Variants in ROBO2 observed in about 807,000 individuals in gnomAD.
ROBO2 encodes roundabout homolog 2.
In ROBO2, 53 loss-of-function variants were observed where a neutral mutation model predicts 160.8. That is an observed-to-expected ratio of 0.33 (90% confidence interval 0.26 to 0.41). ROBO2 has a LOEUF of 0.41. Among genes scored for constraint, ROBO2 ranks in the 10% least tolerant of loss-of-function variants. ROBO2 has a pLI of 1.00. For missense variants in ROBO2, 1,577 were observed against 1,722.4 expected, an observed-to-expected ratio of 0.92 and a Z score of 1.49; for synonymous variants, 664 against 611.7, an observed-to-expected ratio of 1.09 and a Z score of -1.26.
At chr3:76,391,230 CTTCAA>C (rs1559868574) in intron 2 of ROBO2, among the ~76,000 whole-genome samples, 1 of 152,096 alleles carries the variant, frequency 6.6e-6, no homozygotes, top group Non-Finnish European at 1.5e-5. Flanking sequence ...TGGCCATAGA[CTTCAA>C]TTCACAAAAA....
intron 17 of ROBO2, among the ~76,000 whole-genome samples, chr3:77,594,884 A>G (rs1038683953): frequency 2.0e-5 from 3 of 152,208 alleles, no homozygotes; most frequent in Admixed American, 2.0e-4. Flanking sequence ...TGACATTTAA[A>G]TACAAATTAG....
At chr3:77,427,046 A>G (rs1467612471) in intron 2 of ROBO2, among the ~76,000 whole-genome samples, 1 of 152,190 alleles carries the variant, frequency 6.6e-6, no homozygotes, top group African/African-American at 2.4e-5. Context: ...AGCCTCTAAA[A>G]GTGACATTTC....
At position 76,267,699 on chromosome 3, in the gene ROBO2, T is replaced by A. The variant is rs181651039; in HGVS notation, c.109+330097T>A. 3.5e-3 allele frequency among the ~76,000 whole-genome samples: 528 copies of A among 152,286 alleles called. 3 individuals carry two copies. Among genetic ancestry groups the A allele is most frequent in the African/African-American group, 0.012 (509 of 41,570 alleles). On this transcript the variant is annotated intron_variant, in intron 2 of 26. Transcript: ENST00000487694. ...AAATTCTATTAGACTAGTATTTTTG[T>A]TTGCTTATATATGATAAATATGGGA...
intron 2 of ROBO2, among the ~76,000 whole-genome samples, chr3:76,540,485 T>A (rs1578011267): frequency 6.6e-6 from 1 of 152,204 alleles, no homozygotes; most frequent in Admixed American, 6.5e-5. Flanking sequence ...ACTGCTTCCA[T>A]TGCAGAAATA....
At chr3:76,032,612 T>A (rs1412458498) in intron 2 of ROBO2, among the ~76,000 whole-genome samples, 1 of 152,250 alleles carries the variant, frequency 6.6e-6, no homozygotes, top group Admixed American at 6.5e-5. Flanking sequence ...ATTTTGTTAT[T>A]TTTCCAGTAG....
chr3:77,237,865 T>A (rs978106580), intron 2 of ROBO2, among the ~76,000 whole-genome samples: 1 of 152,212 alleles, frequency 6.6e-6, no homozygotes, highest in Non-Finnish European at 1.5e-5. Flanking sequence ...CAACAGTGAA[T>A]GACAGTTCCT....
chr3:77,562,238 C>T (rs1324411966), intron 9 of ROBO2, among the ~76,000 whole-genome samples: 1 of 152,090 alleles, frequency 6.6e-6, no homozygotes, highest in Non-Finnish European at 1.5e-5. Context: ...TTATTTGAGA[C>T]AGAACAGTTT....
intron 2 of ROBO2, among the ~76,000 whole-genome samples, chr3:76,968,141 A>G (rs895634691): frequency 1.3e-5 from 2 of 152,218 alleles, no homozygotes; most frequent in Non-Finnish European, 2.9e-5. Flanking sequence ...CCAAATATCA[A>G]TTATAAAATG....
At chr3:76,156,538 C>T (rs947361927) in intron 2 of ROBO2, among the ~76,000 whole-genome samples, 1 of 152,166 alleles carries the variant, frequency 6.6e-6, no homozygotes, top group African/African-American at 2.4e-5. Flanking sequence ...GAAGCCTTCT[C>T]TGTGTTAAGT....
At chr3:77,494,963 C>G (rs1206825522) in intron 5 of ROBO2, among the ~76,000 whole-genome samples, 29 of 152,156 alleles carry the variant, frequency 1.9e-4, no homozygotes, top group Non-Finnish European at 1.5e-5. Flanking sequence ...TGCCAGACAT[C>G]TGTCTTTAAA....
intron 6 of ROBO2, among the ~76,000 whole-genome samples, chr3:77,532,009 G>C (rs985822571): frequency 6.6e-6 from 1 of 152,044 alleles, no homozygotes; most frequent in African/African-American, 2.4e-5. Context: ...GTTTAAAAAA[G>C]GCATTCTGTT....
At chr3:76,599,837 T>C in intron 2 of ROBO2, among the ~76,000 whole-genome samples, 1 of 152,228 alleles carries the variant, frequency 6.6e-6, no homozygotes, top group Non-Finnish European at 1.5e-5. Context: ...TTTGGCCACA[T>C]GTATGTCTTC....
At chr3:77,439,466 T>C (rs1182191817) in intron 2 of ROBO2, among the ~76,000 whole-genome samples, 1 of 151,950 alleles carries the variant, frequency 6.6e-6, no homozygotes, top group African/African-American at 2.4e-5. Context: ...AATTAGAAAT[T>C]ATGATATACA....
chr3:77,450,732 T>G (rs1331008984), intron 2 of ROBO2, among the ~76,000 whole-genome samples: 1 of 152,112 alleles, frequency 6.6e-6, no homozygotes, highest in Non-Finnish European at 1.5e-5. Flanking sequence ...GACTAACGAT[T>G]TTCTTGTGTT....
At chr3:77,035,729 A>C (rs1040209521), upstream of ROBO2, among the ~76,000 whole-genome samples, 1 of 151,904 alleles carries the variant, frequency 6.6e-6, no homozygotes, top group African/African-American at 2.4e-5. Context: ...TGGCTCCCTC[A>C]GATCCTTTCT....
intron 1 of ROBO2, among the ~76,000 whole-genome samples, chr3:75,914,011 G>A (rs1228231935): frequency 4.6e-5 from 7 of 152,204 alleles, no homozygotes; most frequent in South Asian, 4.1e-4. Flanking sequence ...AGATAGATTC[G>A]TTTTCCCCTT....
At chr3:77,099,625 A>C (rs1445152590) in intron 2 of ROBO2, among the ~76,000 whole-genome samples, 3 of 152,238 alleles carry the variant, frequency 2.0e-5, no homozygotes, top group African/African-American at 7.2e-5. Flanking sequence ...AAATTCAAGA[A>C]TGCAAATATC....
intron 5 of ROBO2, among the ~76,000 whole-genome samples, chr3:77,508,447 G>A (rs1171750982): frequency 6.8e-6 from 1 of 148,036 alleles, no homozygotes; most frequent in Non-Finnish European, 1.5e-5. Flanking sequence ...ATATGTGATA[G>A]TATAAGATAA....
chr3:77,484,145 G>A (rs984091960), intron 4 of ROBO2, among the ~76,000 whole-genome samples: 6 of 151,866 alleles, frequency 4.0e-5, no homozygotes, highest in South Asian at 2.1e-4. Context: ...AATTAACTGG[G>A]CATTATCAAA....
Sources: allele counts gnomAD v4.1 joint callset (sites outside exome capture counted in the v4.1 genomes callset), GRCh38; gene constraint gnomAD v4.1.1; transcripts MANE v1.5; gene names NCBI Gene and HGNC (gene_info 2026-07-23, HGNC 2026-07-21).